Variants in TUFT1 observed in about 807,000 individuals in gnomAD.
TUFT1 encodes tuftelin 1.
A neutral mutation model predicts 57.8 loss-of-function variants in TUFT1; 43 were observed. The ratio of observed to expected loss-of-function variants is 0.74; its 90% CI spans 0.58 to 0.96. The LOEUF is 0.96. Ranked by LOEUF, TUFT1 falls within the 40% of genes least tolerant of loss-of-function variation. The probability of loss-of-function intolerance (pLI) is 0.00; values close to 1 mark genes in which losing one functional copy is unlikely to be tolerated. For missense variants in TUFT1, 459 were observed against 489.0 expected, an observed-to-expected ratio of 0.94 and a Z score of 0.58; for synonymous variants, 166 against 176.7, an observed-to-expected ratio of 0.94 and a Z score of 0.48.
At chr1:151,581,594 A>G (rs373321392) in intron 12 of TUFT1, 50 bp from the exon 13 acceptor site, 27 of 1,594,094 alleles carry the variant, frequency 1.7e-5, no homozygotes, top group Non-Finnish European at 2.2e-5. Flanking sequence ...AGGGTGGGCC[A>G]CAACACAGCT....
intron 3 of TUFT1, 54 bp downstream of exon 3, chr1:151,562,740 A>G (rs1283544252): frequency 1.4e-6 from 2 of 1,466,498 alleles, no homozygotes; most frequent in Admixed American, 1.8e-5. Context: ...CCCTGCACGT[A>G]TATGAGAAGG....
chr1:151,574,433 T>C (rs1250262616), intron 8 of TUFT1, 35 bp downstream of exon 8: 1 of 1,612,328 alleles, frequency 6.2e-7, no homozygotes, highest in Non-Finnish European at 8.5e-7. Context: ...GTGCCTGGAC[T>C]CCTGGGCTGG....
rs150721264 is a variant in TUFT1 at position 151,548,965 on chromosome 1, G to A, written c.60+8539G>A. Among the ~76,000 whole-genome samples the A allele has an allele frequency of 2.2e-4, 33 of 152,196 alleles. No homozygotes were observed. In the East Asian group the frequency reaches 2.9e-3, roughly 13 times the overall value. ...CCCTGTTTATCTCCTTATCTCTGCT[G>A]TGGCGTCTTGATCTCTAACCCCTCA... On this transcript the variant is annotated intron_variant, in intron 1 of 12. Transcript: ENST00000368849.
rs892817644 is a variant in TUFT1, at chr1:151,547,219, T to C, written c.60+6793T>C. Among the ~76,000 whole-genome samples, 17 of 152,344 alleles carry C rather than the reference T, an allele frequency of 1.1e-4. No individual in the cohort carries two copies. The East Asian group carries it at 3.3e-3, about 29-fold the overall frequency. The stretch of plus-strand genomic sequence containing the variant: ...AGGCTGCCAGGAATTTGGGGAATGC[T>C]GGGCTTTGCCAGAGAAGGAGGGATC... On this transcript the variant is annotated intron_variant, in intron 1 of 12. Transcript: ENST00000368849.
intron 7 of TUFT1, among the ~76,000 whole-genome samples, chr1:151,572,907 G>A (rs1666303600): frequency 6.6e-6 from 1 of 152,206 alleles, no homozygotes; most frequent in African/African-American, 2.4e-5. Flanking sequence ...TGGCTGCTAG[G>A]CTTTCCAGAA....
intron 4 of TUFT1, 49 bp from the exon 5 acceptor site, chr1:151,564,476 G>C (rs1392382165): frequency 2.8e-6 from 4 of 1,440,118 alleles, no homozygotes. Context: ...GAGTTGGCAT[G>C]CTCTCTTTCT....
At chr1:151,551,890 T>A (rs55840963) in intron 1 of TUFT1, among the ~76,000 whole-genome samples, 22,635 of 152,144 alleles carry the variant, frequency 0.15, 2,181 homozygotes, top group Middle Eastern at 0.22. Context: ...AATATGTACA[T>A]CACAAATGTC....
intron 1 of TUFT1, among the ~76,000 whole-genome samples, chr1:151,548,294 CTTTTTCTTTTCTTTTTTT>C (rs1665404369): frequency 1.4e-5 from 2 of 144,686 alleles, no homozygotes; most frequent in South Asian, 4.4e-4. Flanking sequence ...TTTCTTTTTT[CTTTTTCTTTTCTTTTTTT>C]TTTTTTTTTG....
At chr1:151,568,863 GGAGTGTACTGACT>G (rs906513613) in intron 6 of TUFT1, among the ~76,000 whole-genome samples, 2 of 152,198 alleles carry the variant, frequency 1.3e-5, no homozygotes, top group African/African-American at 4.8e-5. Flanking sequence ...GGTGTGGTAG[GGAGTGTACTGACT>G]GCCTCACAGA....
chr1:151,576,510 C>A (rs1666466782), intron 9 of TUFT1, among the ~76,000 whole-genome samples: 1 of 152,166 alleles, frequency 6.6e-6, no homozygotes, highest in Non-Finnish European at 1.5e-5. Context: ...GTAGTGGGGT[C>A]TAGGGTACCT....
In TUFT1 at chr1:151,562,379, A is replaced by G. The variant is rs547878911; in HGVS notation, c.136-206A>G. On this transcript the variant is annotated intron_variant, in intron 2 of 12. Coordinates refer to ENST00000368849, the MANE Select transcript of TUFT1 (RefSeq NM_020127.3). ...TAAAACTAAACTGCTACTTCTGTCC[A>G]TTCTCCCTGGCCGGTGTTCTTGCTG... 30 of 635,868 alleles carry G rather than the reference A, an allele frequency of 4.7e-5. 2 individuals carry two copies. The South Asian group carries it at 5.6e-4, about 12-fold the overall frequency. The allele number at this position is 635,868 out of a possible 1,614,324, so 39.4% of individuals were successfully genotyped here.
At position 151,566,243 on chromosome 1, in the gene TUFT1, A is replaced by G; in HGVS notation, c.480+15A>G. 1.9e-6 allele frequency: 3 copies of G among 1,607,500 alleles called. No individual in the cohort carries two copies. The highest frequency in any genetic ancestry group is 8.5e-7 in the Non-Finnish European group (1 of 1,176,950). On this transcript the variant is annotated intron_variant, in intron 6 of 12. Transcript: ENST00000368849. Reference sequence around the variant, plus strand: ...GCCCACCTGAGGTAGGTAACAGAGGACACCATGGTGGCTCCGCTTAGCCAG... The same window carrying G: ...GCCCACCTGAGGTAGGTAACAGAGGGCACCATGGTGGCTCCGCTTAGCCAG...
At chr1:151,557,361 T>C (rs1187476874) in intron 1 of TUFT1, 5 of 625,008 alleles carry the variant, frequency 8.0e-6, no homozygotes, top group Non-Finnish European at 1.1e-5. Flanking sequence ...GACATTGTTA[T>C]ACTTTTTGCT....
At chr1:151,548,367 A>G (rs1200384340) in intron 1 of TUFT1, among the ~76,000 whole-genome samples, 2 of 148,698 alleles carry the variant, frequency 1.3e-5, no homozygotes, top group African/African-American at 4.9e-5. Flanking sequence ...CAGTGGCCCA[A>G]TCTTGGCTCA....
At chr1:151,577,366 T>A (rs778062830) in intron 9 of TUFT1, among the ~76,000 whole-genome samples, 4 of 152,118 alleles carry the variant, frequency 2.6e-5, no homozygotes, top group African/African-American at 4.8e-5. Flanking sequence ...CTTGGTCTTT[T>A]CACTAGCCCC....
intron 9 of TUFT1, 58 bp downstream of exon 9, chr1:151,575,063 C>T: frequency 6.9e-7 from 1 of 1,458,228 alleles, no homozygotes; most frequent in Non-Finnish European, 9.4e-7. Context: ...GAGGGCAGGC[C>T]ATACAGCCTG....
intron 6 of TUFT1, among the ~76,000 whole-genome samples, chr1:151,569,349 C>T (rs552861513): frequency 4.9e-4 from 75 of 152,326 alleles, no homozygotes; most frequent in African/African-American, 1.8e-3. Context: ...CACCTACAGA[C>T]AGCATCCACA....
rs150612239 is a variant in TUFT1 at position 151,564,549 on chromosome 1, C to T, written c.349C>T (p.Arg117Trp). The T allele has an allele frequency of 1.2e-4, 195 of 1,614,100 alleles. No homozygotes were observed. Among genetic ancestry groups the T allele is most frequent in the Non-Finnish European group, 1.5e-4 (175 of 1,180,012 alleles). ...QEARNCLQKL[R>W]EDISSKLDRN... ...GGCCAGGAACTGCCTACAGAAGCTC[C>T]GGGAGGATATAAGTAGCAAGCTTGA... Residue 117 changes from arginine to tryptophan, a missense_variant, in exon 5 of 13, where the codon CGG becomes TGG. By Grantham distance (101) the Arg-to-Trp change is moderately radical. Coordinates refer to ENST00000368849, the MANE Select transcript of TUFT1 (RefSeq NM_020127.3).
At chr1:151,549,821 A>T (rs1241603132) in intron 1 of TUFT1, among the ~76,000 whole-genome samples, 1 of 152,140 alleles carries the variant, frequency 6.6e-6, no homozygotes, top group Non-Finnish European at 1.5e-5. Context: ...TTATGAGCTC[A>T]ATTGATCCTC....
Sources: allele counts gnomAD v4.1 joint callset (sites outside exome capture counted in the v4.1 genomes callset), GRCh38; gene constraint gnomAD v4.1.1; transcripts MANE v1.5; gene names NCBI Gene and HGNC (gene_info 2026-07-23, HGNC 2026-07-21).